The following CREB5 variants were observed in gnomAD, a reference collection of about 807,000 sequenced individuals.
CREB5 encodes cyclic AMP-responsive element-binding protein 5.
CREB5 carries 19 observed loss-of-function variants against 57.1 expected under a neutral mutation model. The ratio of observed to expected loss-of-function variants is 0.33; its 90% confidence interval spans 0.23 to 0.49. CREB5 has a LOEUF of 0.49. Ranked by LOEUF, CREB5 falls within the 20% of genes least tolerant of loss-of-function variation. The pLI is 0.99. For synonymous variants in CREB5, 238 were observed against 238.3 expected, an observed-to-expected ratio of 1.00 and a Z score of 0.01; for missense variants, 579 against 671.6, an observed-to-expected ratio of 0.86 and a Z score of 1.52.
intron 1 of CREB5, among the ~76,000 whole-genome samples, chr7:28,385,983 C>T: frequency 1.3e-5 from 2 of 152,250 alleles, no homozygotes; most frequent in Admixed American, 1.3e-4. Context: ...TATAAATAGA[C>T]TTATGTATCT....
intron 4 of CREB5, among the ~76,000 whole-genome samples, chr7:28,532,566 C>G (rs1312739988): frequency 6.6e-6 from 1 of 152,142 alleles, no homozygotes; most frequent in Non-Finnish European, 1.5e-5. Context: ...CCAACAGTGC[C>G]TCGGGTCTCG....
intron 6 of CREB5, among the ~76,000 whole-genome samples, chr7:28,719,378 G>T (rs979022483): frequency 1.3e-5 from 2 of 152,174 alleles, no homozygotes; most frequent in Non-Finnish European, 2.9e-5. Context: ...TATGCTAGTC[G>T]CATTCCAAGC....
In CREB5 at chr7:28,640,126, A is replaced by G. The variant is rs554821035; in HGVS notation, c.464+69589A>G. The stretch of plus-strand genomic sequence containing the variant: ...GGGTGTGCCTCCTCTCCCTTCTCAG[A>G]TACTCTGCACTCTCAGCTCAGCCCT... On this transcript the variant is annotated intron_variant, in intron 5 of 10. Coordinates refer to ENST00000357727, the MANE Select transcript of CREB5 (RefSeq NM_182898.4). 2.6e-5 allele frequency among the ~76,000 whole-genome samples: 4 copies of G among 152,234 alleles called. No homozygotes were observed. The East Asian group carries it at 5.8e-4, about 22-fold the overall frequency.
At chr7:28,795,831 C>A (rs2128794502) in intron 7 of CREB5, among the ~76,000 whole-genome samples, 1 of 150,694 alleles carries the variant, frequency 6.6e-6, no homozygotes, top group African/African-American at 2.5e-5. Flanking sequence ...CGGCTCACTG[C>A]AACCTCCACC....
At position 28,799,499 on chromosome 7, in the gene CREB5, C is replaced by G. The variant is rs187181226; in HGVS notation, c.703-4700C>G. Among the ~76,000 whole-genome samples, 3 of 152,270 alleles carry G rather than the reference C, an allele frequency of 2.0e-5. No individual in the cohort carries two copies. The East Asian group carries it at 5.8e-4, about 29-fold the overall frequency. On this transcript the variant is annotated intron_variant, in intron 7 of 10. Transcript: ENST00000357727. ...TTGGCCTTAACAGTGCAAGAATAGA[C>G]TTGAGGCAATCAAGTAATTTCCCTT...
chr7:28,448,430 G>C (rs1789604324), intron 1 of CREB5, among the ~76,000 whole-genome samples: 1 of 152,180 alleles, frequency 6.6e-6, no homozygotes, highest in Non-Finnish European at 1.5e-5. Flanking sequence ...TGTGGTGTTG[G>C]AGAGCTCAGT....
At chr7:28,667,376 G>T (rs187597392) in intron 5 of CREB5, among the ~76,000 whole-genome samples, 5 of 151,524 alleles carry the variant, frequency 3.3e-5, no homozygotes, top group African/African-American at 1.2e-4. Context: ...TGTCTTGAGG[G>T]TGTTCAAATT....
intron 1 of CREB5, among the ~76,000 whole-genome samples, chr7:28,320,907 T>C (rs1785484641): frequency 6.6e-6 from 1 of 152,214 alleles, no homozygotes; most frequent in African/African-American, 2.4e-5. Context: ...GTATATGTAA[T>C]TGATACGTAA....
chr7:28,342,142 G>A (rs1051863268), intron 1 of CREB5, among the ~76,000 whole-genome samples: 1 of 152,156 alleles, frequency 6.6e-6, no homozygotes, highest in Non-Finnish European at 1.5e-5. Flanking sequence ...GTCCCCCTCT[G>A]CTCTTCTCCA....
chr7:28,380,719 T>C (rs1367220587), intron 1 of CREB5, among the ~76,000 whole-genome samples: 1 of 152,180 alleles, frequency 6.6e-6, no homozygotes, highest in Admixed American at 6.5e-5. Flanking sequence ...AGGTGGGCAC[T>C]GAAGGAAGCT....
chr7:28,706,186 C>A (rs899309306), intron 5 of CREB5, among the ~76,000 whole-genome samples: 4 of 152,172 alleles, frequency 2.6e-5, no homozygotes, highest in Admixed American at 2.6e-4. Flanking sequence ...GAAACCCCAT[C>A]TCTACTAAAA....
chr7:28,493,559 C>T (rs1040146842), intron 2 of CREB5, among the ~76,000 whole-genome samples: 1 of 152,108 alleles, frequency 6.6e-6, no homozygotes, highest in Non-Finnish European at 1.5e-5. Context: ...TCCAATATTG[C>T]TAGTTGCCAT....
In CREB5 at chr7:28,421,111, C is replaced by CT. The variant is rs140795563; in HGVS notation, c.3+8194_3+8195insT. ...TCACTGGAATACTGTACATTGCACC[C>CT]ACTAGGTGATTCCTATTCCTCCCCC... is the stretch of plus-strand genomic sequence containing the variant. On this transcript the variant is annotated intron_variant, in intron 1 of 10. Coordinates refer to ENST00000357727, the MANE Select transcript of CREB5 (RefSeq NM_182898.4). 1.8e-3 allele frequency among the ~76,000 whole-genome samples: 269 copies of CT among 152,262 alleles called. 1 individual carries two copies. The highest frequency in any genetic ancestry group is 6.4e-3 in the African/African-American group (264 of 41,538).
chr7:28,473,879 C>G (rs560980416), intron 1 of CREB5, among the ~76,000 whole-genome samples: 5 of 152,316 alleles, frequency 3.3e-5, no homozygotes, highest in African/African-American at 1.2e-4. Context: ...CTCCCTTGTA[C>G]TTTGAAGATT....
At chr7:28,395,758 C>T (rs1190449180) in intron 1 of CREB5, among the ~76,000 whole-genome samples, 2 of 152,154 alleles carry the variant, frequency 1.3e-5, no homozygotes, top group Non-Finnish European at 2.9e-5. Flanking sequence ...AAATGGTCTA[C>T]AAACTAGGGC....
At chr7:28,324,041 A>G (rs371224143) in intron 1 of CREB5, among the ~76,000 whole-genome samples, 7 of 152,272 alleles carry the variant, frequency 4.6e-5, no homozygotes, top group East Asian at 1.9e-4. Context: ...GGTAATGTGC[A>G]TGATGGAGAG....
chr7:28,316,801 C>T (rs1785393015), intron 1 of CREB5, among the ~76,000 whole-genome samples: 1 of 152,024 alleles, frequency 6.6e-6, no homozygotes, highest in African/African-American at 2.4e-5. Context: ...TTCAAAATCT[C>T]CTCACTGATT....
intron 1 of CREB5, among the ~76,000 whole-genome samples, chr7:28,473,786 G>C (rs1790938490): frequency 6.6e-6 from 1 of 152,224 alleles, no homozygotes; most frequent in South Asian, 2.1e-4. Flanking sequence ...GAAGGGCCCA[G>C]TGCCCGGCTT....
intron 6 of CREB5, among the ~76,000 whole-genome samples, chr7:28,723,509 AC>A (rs1348540003): frequency 6.6e-6 from 1 of 152,158 alleles, no homozygotes; most frequent in Non-Finnish European, 1.5e-5. Context: ...TTCTTCACCT[AC>A]CCAAAGACTT....
Sources: gnomAD v4.1 joint callset for allele counts (sites outside exome capture counted in the v4.1 genomes callset) on GRCh38, gnomAD v4.1.1 for gene constraint, MANE v1.5 for transcripts, NCBI Gene and HGNC (gene_info 2026-07-23, HGNC 2026-07-21) for gene names.